ATP11B: variants seen among roughly 807,000 people sequenced by gnomAD.
ATP11B encodes the protein phospholipid-transporting ATPase IF.
ATP11B carries 81 observed loss-of-function variants against 157.8 expected under a neutral mutation model. That is an observed-to-expected ratio of 0.51 (90% CI 0.43 to 0.62). The LOEUF is 0.62. Ranked by LOEUF, ATP11B falls within the 20% of genes least tolerant of loss-of-function variation. The pLI, the probability that ATP11B is intolerant of heterozygous loss-of-function variation, is 0.00. For missense variants in ATP11B, 1,165 were observed against 1,402.2 expected, an observed-to-expected ratio of 0.83 and a Z score of 2.70; for synonymous variants, 451 against 469.4, an observed-to-expected ratio of 0.96 and a Z score of 0.51.
chr3:182,846,540 T>C (rs1312655521), intron 9 of ATP11B, among the ~76,000 whole-genome samples: 1 of 152,212 alleles, frequency 6.6e-6, no homozygotes, highest in Non-Finnish European at 1.5e-5. Flanking sequence ...ATAGCAGCAC[T>C]ATTCATGATA....
intron 8 of ATP11B, among the ~76,000 whole-genome samples, chr3:182,845,150 G>A (rs1047364435): frequency 7.2e-5 from 11 of 151,936 alleles, no homozygotes; most frequent in African/African-American, 2.2e-4. Context: ...GACTACAGGC[G>A]CATGCCGCCA....
intron 25 of ATP11B, among the ~76,000 whole-genome samples, chr3:182,894,741 C>T (rs928331876): frequency 6.6e-6 from 1 of 152,026 alleles, no homozygotes; most frequent in African/African-American, 2.4e-5. Flanking sequence ...GTGTAACATA[C>T]CCCAGTCTAG....
rs1180636308 is a variant in ATP11B, at chr3:182,919,409, C to T, written c.*1305C>T. 6.6e-6 allele frequency: 1 copy of T among 152,602 alleles called. No homozygotes were observed. Among genetic ancestry groups the T allele is most frequent in the Non-Finnish European group, 1.5e-5 (1 of 68,012 alleles). The allele number at this position is 152,602 out of a possible 1,614,324, so 9.5% of individuals were successfully genotyped here. ...ATGTTACTGTAATTAACTCATTGCA[C>T]TTCAAAACCTAACTTCCATCCTGAA... On this transcript the variant is annotated 3_prime_UTR_variant, in exon 30 of 30. Transcript: ENST00000323116.
intron 1 of ATP11B, among the ~76,000 whole-genome samples, chr3:182,796,906 C>T (rs1357153745): frequency 1.3e-5 from 2 of 152,164 alleles, no homozygotes; most frequent in African/African-American, 4.8e-5. Flanking sequence ...GTTTCTTAAA[C>T]TGTTCCATAA....
chr3:182,915,343 A>G, intron 29 of ATP11B: 1 of 985,326 alleles, frequency 1.0e-6, no homozygotes, highest in Non-Finnish European at 1.2e-6. Flanking sequence ...TTTTGTAGTA[A>G]TTTCATTCCA....
chr3:182,915,198 T>C (rs1725060163), intron 29 of ATP11B: 13 of 985,458 alleles, frequency 1.3e-5, no homozygotes, highest in Non-Finnish European at 1.6e-5. Context: ...AGCTTTAGCT[T>C]AGCCATGCCT....
chr3:182,874,533 G>T (rs1266041881), intron 19 of ATP11B, among the ~76,000 whole-genome samples: 1 of 152,094 alleles, frequency 6.6e-6, no homozygotes, highest in African/African-American at 2.4e-5. Context: ...GTGGATAGGG[G>T]ATTATTTTAT....
At chr3:182,798,814 ATC>A in intron 1 of ATP11B, among the ~76,000 whole-genome samples, 1 of 152,356 alleles carries the variant, frequency 6.6e-6, no homozygotes, top group Non-Finnish European at 1.5e-5. Context: ...GATGTAAAAT[ATC>A]TCATTCATTT....
At chr3:182,797,479 AG>A (rs1197302557) in intron 1 of ATP11B, among the ~76,000 whole-genome samples, 1 of 152,172 alleles carries the variant, frequency 6.6e-6, no homozygotes, top group African/African-American at 2.4e-5. Flanking sequence ...AGGCCGAGAC[AG>A]GCAGATCACC....
At chr3:182,868,884 A>G (rs1721437680) in intron 15 of ATP11B, among the ~76,000 whole-genome samples, 194 bp from the exon 16 acceptor site, 1 of 152,150 alleles carries the variant, frequency 6.6e-6, no homozygotes, top group African/African-American at 2.4e-5. Flanking sequence ...GCATTTGGTA[A>G]TTACTCAATG....
chr3:182,909,839 G>A (rs866720985), intron 28 of ATP11B, among the ~76,000 whole-genome samples: 1 of 152,062 alleles, frequency 6.6e-6, no homozygotes, highest in African/African-American at 2.4e-5. Flanking sequence ...TGAGGTGGGC[G>A]GATTGTCTGA....
chr3:182,915,482 C>T (rs1218249445), intron 29 of ATP11B: 16 of 984,126 alleles, frequency 1.6e-5, no homozygotes, highest in Non-Finnish European at 1.9e-5. Flanking sequence ...TACTATTTTA[C>T]CTAATAACAT....
chr3:182,824,611 G>A (rs575423532), intron 2 of ATP11B, among the ~76,000 whole-genome samples: 1 of 152,096 alleles, frequency 6.6e-6, no homozygotes, highest in African/African-American at 2.4e-5. Context: ...GAAAGCTTTT[G>A]GGATTAAATA....
At position 182,804,427 on chromosome 3, in the gene ATP11B, A is replaced by G. The variant is rs917435422; in HGVS notation, c.27+10641A>G. Among the ~76,000 whole-genome samples, 13 of 151,986 alleles carry G rather than the reference A, an allele frequency of 8.6e-5. No homozygotes were observed. In the East Asian group the frequency reaches 2.5e-3, roughly 29 times the overall value. On this transcript the variant is annotated intron_variant, in intron 1 of 29. Coordinates refer to ENST00000323116, the MANE Select transcript of ATP11B (RefSeq NM_014616.3). ...CGCCCGGCTAATTTTTTGTGTTTTT[A>G]GCAGAGACGGGGTTTCACCATGGTC... is the stretch of plus-strand genomic sequence containing the variant.
At position 182,872,915 on chromosome 3, in the gene ATP11B, A is replaced by G. The variant is rs550208836; in HGVS notation, c.2048+378A>G. On this transcript the variant is annotated intron_variant, in intron 18 of 29. Transcript: ENST00000323116. ...CTGCATGCCACCTGTAGCTAAAACT[A>G]TTCTGTTTTGTGCCTATGTTGGCCT... 2.0e-5 allele frequency among the ~76,000 whole-genome samples: 3 copies of G among 152,238 alleles called. No homozygotes were observed. The South Asian group carries it at 6.2e-4, about 32-fold the overall frequency.
intron 19 of ATP11B, among the ~76,000 whole-genome samples, chr3:182,878,257 A>G (rs1233223732): frequency 1.3e-5 from 2 of 152,240 alleles, no homozygotes; most frequent in Non-Finnish European, 2.9e-5. Context: ...TTCTTATAAG[A>G]CTAAAATCTA....
chr3:182,844,907 C>G (rs1232800052), intron 8 of ATP11B, among the ~76,000 whole-genome samples: 1 of 147,652 alleles, frequency 6.8e-6, no homozygotes, highest in East Asian at 2.0e-4. Flanking sequence ...CATGCATAAT[C>G]ATTTTTCTGA....
At chr3:182,909,176 ATG>A (rs1157724873) in intron 28 of ATP11B, among the ~76,000 whole-genome samples, 21 of 152,238 alleles carry the variant, frequency 1.4e-4, no homozygotes, top group African/African-American at 4.8e-4. Flanking sequence ...GCAATAAGAA[ATG>A]TCTTAGTGTT....
chr3:182,898,577 T>G, intron 27 of ATP11B, 30 bp from the exon 28 acceptor site: 1 of 1,561,586 alleles, frequency 6.4e-7, no homozygotes. Context: ...CAGTTTCCAC[T>G]TTTATTAAGC....
Sources: allele counts gnomAD v4.1 joint callset (sites outside exome capture counted in the v4.1 genomes callset), GRCh38; gene constraint gnomAD v4.1.1; transcripts MANE v1.5; gene names NCBI Gene and HGNC (gene_info 2026-07-23, HGNC 2026-07-21).